Variants in LSMEM1 observed in about 807,000 individuals in gnomAD.
LSMEM1 encodes the protein leucine rich single-pass membrane protein 1, also known as leucine-rich single-pass membrane protein 1.
LSMEM1 carries 10 observed loss-of-function variants against 11.3 expected under a neutral mutation model. The observed-to-expected ratio is 0.89, with a 90% confidence interval of 0.55 to 1.50. LSMEM1 has a LOEUF of 1.50. LSMEM1 is among the 40% of genes most tolerant of loss of function. The pLI, the probability that LSMEM1 is intolerant of heterozygous loss-of-function variation, is 0.00. For synonymous variants in LSMEM1, 65 were observed against 59.3 expected (o/e 1.10, Z -0.44); for missense variants, 151 against 152.9 (o/e 0.99, Z 0.06).
In LSMEM1 at chr7:112,484,944, G is replaced by A. The variant is rs778166066; in HGVS notation, c.127+1G>A. The A allele has an allele frequency of 5.1e-5, 81 of 1,597,926 alleles. No homozygotes were observed. Among genetic ancestry groups the A allele is most frequent in the Admixed American group, 6.7e-5 (4 of 59,578 alleles). ...CCAGCCGGATCGCAGCATCTGTTCC[G>A]TATGTGTGCTGGGGAAGGCACAGCA... On this transcript the variant is annotated splice_donor_variant, in intron 2 of 3. Coordinates refer to ENST00000312849, the MANE Select transcript of LSMEM1 (RefSeq NM_182597.3). LOFTEE classifies it high-confidence loss of function.
intron 3 of LSMEM1, 63 bp from the exon 4 acceptor site, chr7:112,489,746 TC>T (rs1796201727): frequency 6.5e-7 from 1 of 1,543,382 alleles, no homozygotes; most frequent in African/African-American, 1.4e-5. Context: ...AACATGGGGA[TC>T]TGATGAATTT....
At chr7:112,480,886 T>A (rs1258518879), upstream of LSMEM1, 1 of 456,240 alleles carries the variant, frequency 2.2e-6, no homozygotes, top group South Asian at 1.5e-5. Context: ...AGTGGCAGCT[T>A]CCGCCTGCTA....
In LSMEM1 at chr7:112,490,237, G is replaced by T; in HGVS notation, c.*288G>T. 1 of 314,298 alleles carries T rather than the reference G, an allele frequency of 3.2e-6. No homozygotes were observed. The highest frequency in any genetic ancestry group is 5.9e-6 in the Non-Finnish European group (1 of 170,608). 19.5% of individuals were successfully genotyped at this position (314,298 alleles called of 1,614,324 possible). A position where few individuals can be genotyped will look rare whatever the true frequency, so the allele number is the denominator to read the frequency against. On this transcript the variant is annotated 3_prime_UTR_variant, in exon 4 of 4. Coordinates refer to ENST00000312849, the MANE Select transcript of LSMEM1 (RefSeq NM_182597.3). ...GCAGGGAGGAGAATCAACAAAGCAA[G>T]AGAACTTGACTATGTACGTCCAACT...
At chr7:112,488,726 A>G (rs1370953484) in intron 3 of LSMEM1, among the ~76,000 whole-genome samples, 1 of 152,110 alleles carries the variant, frequency 6.6e-6, no homozygotes, top group Non-Finnish European at 1.5e-5. Flanking sequence ...CCTCCCAAGT[A>G]GCTGGGACTA....
intron 2 of LSMEM1, 45 bp downstream of exon 2, chr7:112,484,988 G>T: frequency 2.6e-6 from 4 of 1,547,180 alleles, no homozygotes; most frequent in Non-Finnish European, 3.5e-6. Context: ...TAGCTTCTAG[G>T]CTACCTAAAA....
intron 2 of LSMEM1, among the ~76,000 whole-genome samples, chr7:112,485,593 CT>C (rs1584514741): frequency 6.6e-6 from 1 of 152,090 alleles, no homozygotes; most frequent in African/African-American, 2.4e-5. Context: ...AATTTTATAT[CT>C]ATTATTTCCT....
At chr7:112,486,217 A>T in intron 2 of LSMEM1, 1 of 251,224 alleles carries the variant, frequency 4.0e-6, no homozygotes, top group Non-Finnish European at 8.4e-6. Context: ...TCCACCCAGC[A>T]TAGGTATCCC....
At chr7:112,482,486 C>T (rs1796050359) in intron 1 of LSMEM1, among the ~76,000 whole-genome samples, 1 of 152,154 alleles carries the variant, frequency 6.6e-6, no homozygotes, top group African/African-American at 2.4e-5. Context: ...AGTCAGAGAT[C>T]CAAAAATGAA....
In LSMEM1 at chr7:112,485,343, C is replaced by G. The variant is rs539171906; in HGVS notation, c.127+400C>G. On this transcript the variant is annotated intron_variant, in intron 2 of 3. Transcript: ENST00000312849. ...CAGATTGCTGAGAGAATGCTCAATC[C>G]AGAGCATTTTCTACTTACAAGTTAC... 2.1e-3 allele frequency among the ~76,000 whole-genome samples: 313 copies of G among 152,004 alleles called. 3 individuals carry two copies. Among genetic ancestry groups the G allele is most frequent in the South Asian group, 7.3e-3 (35 of 4,810 alleles).
rs1329626085 is a variant in LSMEM1 at position 112,490,932 on chromosome 7, C to T, written c.*983C>T. The T allele has an allele frequency of 2.0e-5, 3 of 152,074 alleles. No homozygotes were observed. Among genetic ancestry groups the T allele is most frequent in the Non-Finnish European group, 2.9e-5 (2 of 68,026 alleles). 9.4% of individuals were successfully genotyped at this position (152,074 alleles called of 1,614,324 possible). On this transcript the variant is annotated 3_prime_UTR_variant, in exon 4 of 4. Coordinates refer to ENST00000312849, the MANE Select transcript of LSMEM1 (RefSeq NM_182597.3). ...TTTTATTTAATATAAAAATATTCTA[C>T]CGGTCAATTGAAGAATGTATTATGA...
chr7:112,484,269 C>G (rs903845929), intron 1 of LSMEM1, among the ~76,000 whole-genome samples: 1 of 152,070 alleles, frequency 6.6e-6, no homozygotes, highest in African/African-American at 2.4e-5. Flanking sequence ...TGGAGGGAGG[C>G]TATAAAAATT....
At chr7:112,484,453 A>G (rs972697336) in intron 1 of LSMEM1, among the ~76,000 whole-genome samples, 1 of 152,230 alleles carries the variant, frequency 6.6e-6, no homozygotes, top group African/African-American at 2.4e-5. Flanking sequence ...GAAAAATTTT[A>G]AAATTAGTTA....
In LSMEM1 at chr7:112,490,247, C is replaced by T. The variant is rs1367700991; in HGVS notation, c.*298C>T. 7.2e-6 allele frequency: 2 copies of T among 278,536 alleles called. No homozygotes were observed. The highest frequency in any genetic ancestry group is 4.4e-5 in the African/African-American group (2 of 45,908). 17.3% of individuals were successfully genotyped at this position (278,536 alleles called of 1,614,324 possible). ...GAATCAACAAAGCAAGAGAACTTGA[C>T]TATGTACGTCCAACTTCTTACAGAA... On this transcript the variant is annotated 3_prime_UTR_variant, in exon 4 of 4. Coordinates refer to ENST00000312849, the MANE Select transcript of LSMEM1 (RefSeq NM_182597.3).
intron 2 of LSMEM1, among the ~76,000 whole-genome samples, chr7:112,485,621 A>C (rs1360086526): frequency 6.6e-6 from 1 of 151,994 alleles, no homozygotes; most frequent in Non-Finnish European, 1.5e-5. Flanking sequence ...ATCCTTTCCA[A>C]GTTCCTCCTT....
At chr7:112,488,754 G>A (rs1420141875) in intron 3 of LSMEM1, among the ~76,000 whole-genome samples, 1 of 152,130 alleles carries the variant, frequency 6.6e-6, no homozygotes, top group Non-Finnish European at 1.5e-5. Flanking sequence ...GAGCCGCCAT[G>A]CCCAGCTAAT....
chr7:112,481,948 C>T (rs1217617938), intron 1 of LSMEM1, among the ~76,000 whole-genome samples: 3 of 152,240 alleles, frequency 2.0e-5, no homozygotes, highest in Admixed American at 6.5e-5. Context: ...CTTCTCCAGC[C>T]TTGCTGGTTG....
At position 112,490,182 on chromosome 7, in the gene LSMEM1, G is replaced by A. The variant is rs767669768; in HGVS notation, c.*233G>A. The A allele has an allele frequency of 1.9e-5, 8 of 427,514 alleles. No homozygotes were observed. Among genetic ancestry groups the A allele is most frequent in the Admixed American group, 4.1e-5 (1 of 24,616 alleles). The allele number at this position is 427,514 out of a possible 1,614,324, so 26.5% of individuals were successfully genotyped here. A position where few individuals can be genotyped will look rare whatever the true frequency, so the allele number is the denominator to read the frequency against. ...TGTCTCAGCCCCCTTTTATGGTAGG[G>A]CACTTCAACTTTAATGGGGTGGGCG... is the stretch of plus-strand genomic sequence containing the variant. On this transcript the variant is annotated 3_prime_UTR_variant, in exon 4 of 4. Transcript: ENST00000312849.
chr7:112,483,486 A>C (rs1422103807), intron 1 of LSMEM1: 1 of 152,176 alleles, frequency 6.6e-6, no homozygotes, highest in Non-Finnish European at 1.5e-5. Context: ...ATTCGTCCCT[A>C]CTCTAAGGAG....
intron 1 of LSMEM1, chr7:112,483,480 G>A (rs750322655): frequency 6.6e-6 from 1 of 152,114 alleles, no homozygotes; most frequent in Non-Finnish European, 1.5e-5. Flanking sequence ...AATAGGATTC[G>A]TCCCTACTCT....
Sources: gnomAD v4.1 joint callset for allele counts (sites outside exome capture counted in the v4.1 genomes callset) on GRCh38, gnomAD v4.1.1 for gene constraint, MANE v1.5 for transcripts, NCBI Gene and HGNC (gene_info 2026-07-23, HGNC 2026-07-21) for gene names.